The following ADCY2 variants were observed in gnomAD, a reference collection of about 807,000 sequenced individuals.
ADCY2 encodes adenylate cyclase type 2.
Under a neutral mutation model 125.2 loss-of-function variants are expected in ADCY2, and 31 were observed. The ratio of observed to expected loss-of-function variants is 0.25; its 90% CI spans 0.19 to 0.33. The LOEUF (loss-of-function observed/expected upper bound fraction) is 0.33. Ranked by LOEUF, ADCY2 falls within the 10% of genes least tolerant of loss-of-function variation. The probability of loss-of-function intolerance (pLI) is 1.00; values close to 1 mark genes in which losing one functional copy is unlikely to be tolerated. For synonymous variants in ADCY2, 512 were observed against 548.4 expected (o/e 0.93, Z 0.93); for missense variants, 904 against 1,418.2 (o/e 0.64, Z 5.82).
chr5:7,689,031 A>T (rs771484475), intron 4 of ADCY2, among the ~76,000 whole-genome samples: 3 of 152,228 alleles, frequency 2.0e-5, no homozygotes, highest in Non-Finnish European at 4.4e-5. Flanking sequence ...AGATGATGAA[A>T]GCTAGCAATA....
intron 10 of ADCY2, among the ~76,000 whole-genome samples, chr5:7,711,566 G>A (rs1397010341): frequency 6.6e-6 from 1 of 152,066 alleles, no homozygotes; most frequent in South Asian, 2.1e-4. Context: ...TTTCTTATCA[G>A]CCTTTATTGT....
intron 2 of ADCY2, among the ~76,000 whole-genome samples, chr5:7,503,520 G>T (rs1743675514): frequency 1.3e-5 from 2 of 152,206 alleles, no homozygotes; most frequent in Admixed American, 6.5e-5. Flanking sequence ...TTTAGGCTGA[G>T]CATAGGGACA....
At chr5:7,792,726 A>G (rs534510221) in intron 20 of ADCY2, among the ~76,000 whole-genome samples, 130 of 152,360 alleles carry the variant, frequency 8.5e-4, no homozygotes, top group Middle Eastern at 6.8e-3. Flanking sequence ...AATAAAACCT[A>G]GAGCTACACA....
chr5:7,671,241 T>C (rs1401611755), intron 4 of ADCY2, among the ~76,000 whole-genome samples: 1 of 152,216 alleles, frequency 6.6e-6, no homozygotes, highest in Non-Finnish European at 1.5e-5. Context: ...GTTAAAATTT[T>C]GCTTAAGATA....
At chr5:7,441,990 CT>C (rs1047731601) in intron 2 of ADCY2, among the ~76,000 whole-genome samples, 7 of 152,178 alleles carry the variant, frequency 4.6e-5, no homozygotes, top group Non-Finnish European at 8.8e-5. Flanking sequence ...TAAACTCTCT[CT>C]GTTTTTCTGG....
At chr5:7,789,827 GGGAGGGGGCTGGA>G in intron 20 of ADCY2, 27 bp downstream of exon 20, 1 of 1,460,310 alleles carries the variant, frequency 6.8e-7, no homozygotes, top group Non-Finnish European at 9.1e-7. Flanking sequence ...TGGGGGCTGG[GGGAGGGGGCTGGA>G]TGCCATGATG....
chr5:7,658,429 G>GTATATA (rs767492689), intron 4 of ADCY2, among the ~76,000 whole-genome samples: 1 of 126,960 alleles, frequency 7.9e-6, no homozygotes, highest in Non-Finnish European at 1.8e-5. Context: ...GTGTGTGTGT[G>GTATATA]TGTATATATA....
chr5:7,679,023 G>A (rs1305969056), intron 4 of ADCY2, among the ~76,000 whole-genome samples: 1 of 152,214 alleles, frequency 6.6e-6, no homozygotes, highest in Admixed American at 6.5e-5. Context: ...ACAAAATATT[G>A]AAGAAGGCAC....
chr5:7,699,499 T>C (rs1741012217), intron 7 of ADCY2, among the ~76,000 whole-genome samples: 3 of 152,220 alleles, frequency 2.0e-5, no homozygotes. Context: ...TATTGTGCAT[T>C]TCAATATAAT....
At position 7,418,867 on chromosome 5, in the gene ADCY2, C is replaced by T. The variant is rs1310021447; in HGVS notation, c.408+4097C>T. Among the ~76,000 whole-genome samples the T allele has an allele frequency of 2.0e-5, 3 of 152,152 alleles. No homozygotes were observed. In the East Asian group the frequency reaches 5.8e-4, roughly 29 times the overall value. The stretch of plus-strand genomic sequence containing the variant: ...GACGGGTTTCACCATATTGGTCAGG[C>T]TGGCCTTGAACTTCTGACCTCATGA... On this transcript the variant is annotated intron_variant, in intron 2 of 24. Coordinates refer to ENST00000338316, the MANE Select transcript of ADCY2 (RefSeq NM_020546.3).
chr5:7,683,125 G>A (rs1740396029), intron 4 of ADCY2, among the ~76,000 whole-genome samples: 1 of 152,176 alleles, frequency 6.6e-6, no homozygotes, highest in African/African-American at 2.4e-5. Flanking sequence ...AAGTCATGAG[G>A]TCCCTGCCCT....
intron 4 of ADCY2, among the ~76,000 whole-genome samples, chr5:7,661,589 AATAAAT>A (rs1561151686): frequency 6.6e-6 from 1 of 152,244 alleles, no homozygotes; most frequent in Non-Finnish European, 1.5e-5. Flanking sequence ...TTAATGGTCG[AATAAAT>A]GATTCAATGA....
intron 3 of ADCY2, among the ~76,000 whole-genome samples, chr5:7,581,149 A>C (rs1486364466): frequency 6.6e-6 from 1 of 152,232 alleles, no homozygotes; most frequent in Non-Finnish European, 1.5e-5. Context: ...AAATTGTAAA[A>C]TGTTTGTAAA....
At chr5:7,806,075 G>A (rs1744751464) in intron 22 of ADCY2, among the ~76,000 whole-genome samples, 1 of 152,104 alleles carries the variant, frequency 6.6e-6, no homozygotes, top group Non-Finnish European at 1.5e-5. Flanking sequence ...GAAAACTGCT[G>A]TATCCTCTGC....
intron 17 of ADCY2, among the ~76,000 whole-genome samples, chr5:7,767,604 T>C (rs1346982248): frequency 2.6e-5 from 4 of 152,340 alleles, no homozygotes; most frequent in Admixed American, 2.0e-4. Context: ...TTAACTCCGT[T>C]AGCTTTGGCA....
chr5:7,556,294 A>C (rs1735505007), intron 3 of ADCY2, among the ~76,000 whole-genome samples: 1 of 152,170 alleles, frequency 6.6e-6, no homozygotes, highest in African/African-American at 2.4e-5. Context: ...TGTCCCTAGA[A>C]CTGCTCTACA....
intron 22 of ADCY2, among the ~76,000 whole-genome samples, chr5:7,810,404 G>A (rs1392219114): frequency 6.6e-6 from 1 of 151,432 alleles, no homozygotes; most frequent in African/African-American, 2.4e-5. Context: ...TGGGTTATCT[G>A]CCTGATGGGT....
intron 2 of ADCY2, among the ~76,000 whole-genome samples, chr5:7,431,877 A>G (rs756334197): frequency 7.9e-5 from 12 of 152,126 alleles, no homozygotes; most frequent in African/African-American, 2.7e-4. Context: ...AAGAGGGTGG[A>G]TCCCTGGTGA....
intron 8 of ADCY2, 101 bp downstream of exon 8, chr5:7,707,003 G>A: frequency 4.2e-6 from 6 of 1,430,948 alleles, no homozygotes; most frequent in Admixed American, 2.2e-5. Context: ...GATCACTTCT[G>A]TTGCCTCTGT....
Sources: gnomAD v4.1 joint callset for allele counts (sites outside exome capture counted in the v4.1 genomes callset) on GRCh38, gnomAD v4.1.1 for gene constraint, MANE v1.5 for transcripts, NCBI Gene and HGNC (gene_info 2026-07-23, HGNC 2026-07-21) for gene names.